Variants in KCNH8 observed in about 807,000 individuals in gnomAD.
KCNH8 encodes the protein potassium voltage-gated channel subfamily H member 8.
Under a neutral mutation model 103.6 loss-of-function variants are expected in KCNH8, and 70 were observed. The observed-to-expected ratio is 0.68, with a 90% CI of 0.56 to 0.82. KCNH8 has a LOEUF of 0.82. Ranked by LOEUF, KCNH8 falls within the 40% of genes least tolerant of loss-of-function variation. KCNH8 has a pLI of 0.00. For synonymous variants in KCNH8, 498 were observed against 489.4 expected, an observed-to-expected ratio of 1.02 and a Z score of -0.23; for missense variants, 1,217 against 1,329.9, an observed-to-expected ratio of 0.92 and a Z score of 1.32.
At chr3:19,191,734 G>C (rs2063555167) in intron 1 of KCNH8, among the ~76,000 whole-genome samples, 1 of 151,606 alleles carries the variant, frequency 6.6e-6, no homozygotes, top group African/African-American at 2.4e-5. Flanking sequence ...CTGCGGGGAG[G>C]TCCCACTTCT....
chr3:19,330,022 A>G (rs2065483485), intron 3 of KCNH8, among the ~76,000 whole-genome samples: 1 of 152,042 alleles, frequency 6.6e-6, no homozygotes, highest in South Asian at 2.1e-4. Flanking sequence ...AGTAAAAAAA[A>G]AAGGATTGAA....
intron 11 of KCNH8, among the ~76,000 whole-genome samples, chr3:19,470,065 A>T (rs926116907): frequency 4.6e-5 from 7 of 151,694 alleles, no homozygotes; most frequent in South Asian, 2.1e-4. Context: ...ATTATATTTA[A>T]TTTTTTTTTA....
chr3:19,388,498 T>C (rs1217635580), intron 5 of KCNH8, among the ~76,000 whole-genome samples: 1 of 152,148 alleles, frequency 6.6e-6, no homozygotes, highest in Non-Finnish European at 1.5e-5. Flanking sequence ...TTTGCCACGA[T>C]AGCATTTTAA....
chr3:19,440,878 C>T (rs2067273484), intron 8 of KCNH8, among the ~76,000 whole-genome samples: 1 of 152,098 alleles, frequency 6.6e-6, no homozygotes, highest in Non-Finnish European at 1.5e-5. Flanking sequence ...ATATAACAAA[C>T]AGACAATTTA....
chr3:19,323,777 G>A (rs768896067), intron 3 of KCNH8, among the ~76,000 whole-genome samples: 48 of 152,076 alleles, frequency 3.2e-4, no homozygotes, highest in Non-Finnish European at 5.9e-4. Flanking sequence ...TTTCTCTTCC[G>A]GATCTAGCCA....
chr3:19,472,363 G>C (rs1473947945), intron 11 of KCNH8, among the ~76,000 whole-genome samples: 1 of 152,036 alleles, frequency 6.6e-6, no homozygotes, highest in Non-Finnish European at 1.5e-5. Context: ...ATCTCATCTT[G>C]TAGTTCTCAT....
intron 3 of KCNH8, among the ~76,000 whole-genome samples, chr3:19,323,255 C>G (rs1356234861): frequency 6.6e-6 from 1 of 152,042 alleles, no homozygotes; most frequent in Non-Finnish European, 1.5e-5. Flanking sequence ...CGAGACCATC[C>G]TGGCTAACAC....
chr3:19,365,423 G>A (rs1296214817), intron 5 of KCNH8, among the ~76,000 whole-genome samples: 1 of 151,694 alleles, frequency 6.6e-6, no homozygotes, highest in Non-Finnish European at 1.5e-5. Flanking sequence ...ATTTCTCTGT[G>A]TTTTATAAAT....
intron 1 of KCNH8, among the ~76,000 whole-genome samples, chr3:19,209,226 A>G (rs2063745920): frequency 6.6e-6 from 1 of 152,060 alleles, no homozygotes; most frequent in Non-Finnish European, 1.5e-5. Context: ...CTTTTAAAGC[A>G]TTATGCATTT....
intron 3 of KCNH8, among the ~76,000 whole-genome samples, chr3:19,285,430 A>G (rs1330639069): frequency 1.3e-5 from 2 of 152,148 alleles, no homozygotes; most frequent in African/African-American, 4.8e-5. Context: ...AGGTACTCAT[A>G]CATATCTCCT....
At chr3:19,150,904 A>G (rs959997584) in intron 1 of KCNH8, among the ~76,000 whole-genome samples, 10 of 152,154 alleles carry the variant, frequency 6.6e-5, no homozygotes, top group Non-Finnish European at 1.5e-5. Flanking sequence ...TAAGTAACAT[A>G]AGGGTTGACT....
At chr3:19,420,625 A>T (rs1183672227) in intron 7 of KCNH8, among the ~76,000 whole-genome samples, 2 of 152,230 alleles carry the variant, frequency 1.3e-5, no homozygotes, top group African/African-American at 4.8e-5. Context: ...ACTCAGGAGT[A>T]ATCCATAAAA....
chr3:19,325,521 G>T (rs1221472676), intron 3 of KCNH8, among the ~76,000 whole-genome samples: 1 of 152,084 alleles, frequency 6.6e-6, no homozygotes, highest in South Asian at 2.1e-4. Context: ...TAAAAAATGG[G>T]CAAGGGACAT....
chr3:19,486,566 T>C (rs1343094482), intron 11 of KCNH8, among the ~76,000 whole-genome samples: 1 of 152,082 alleles, frequency 6.6e-6, no homozygotes, highest in African/African-American at 2.4e-5. Context: ...CACAGTCGGT[T>C]AAAACTGTAA....
intron 11 of KCNH8, among the ~76,000 whole-genome samples, chr3:19,464,954 G>A (rs1459280867): frequency 6.6e-6 from 1 of 152,092 alleles, no homozygotes; most frequent in Non-Finnish European, 1.5e-5. Flanking sequence ...GAGATTAGCA[G>A]AAATAGCACC....
intron 1 of KCNH8, among the ~76,000 whole-genome samples, chr3:19,229,295 A>G (rs1434954260): frequency 6.6e-6 from 1 of 152,218 alleles, no homozygotes; most frequent in Admixed American, 6.5e-5. Context: ...CTCCAACACC[A>G]CATTTCCCTT....
At chr3:19,438,142 T>A (rs1447340952) in intron 7 of KCNH8, 22 bp from the exon 8 acceptor site, 1 of 1,594,634 alleles carries the variant, frequency 6.3e-7, no homozygotes, top group Non-Finnish European at 8.6e-7. Flanking sequence ...TTCTCTCATT[T>A]GCTTTATTTC....
chr3:19,299,088 G>T (rs956663474), intron 3 of KCNH8, among the ~76,000 whole-genome samples: 3 of 152,110 alleles, frequency 2.0e-5, no homozygotes, highest in East Asian at 1.9e-4. Flanking sequence ...CAACTGAAAG[G>T]TGACACTGAC....
chr3:19,421,820 T>A (rs973766121), intron 7 of KCNH8, among the ~76,000 whole-genome samples: 1 of 152,134 alleles, frequency 6.6e-6, no homozygotes, highest in African/African-American at 2.4e-5. Context: ...TCTAATTTTT[T>A]AAAAATCAAT....
Sources: allele counts gnomAD v4.1 joint callset (sites outside exome capture counted in the v4.1 genomes callset), GRCh38; gene constraint gnomAD v4.1.1; transcripts MANE v1.5; gene names NCBI Gene and HGNC (gene_info 2026-07-23, HGNC 2026-07-21).